LPP: variants seen among roughly 807,000 people sequenced by gnomAD.
The protein encoded by LPP is LIM domain containing preferred translocation partner in lipoma.
LPP carries 38 observed loss-of-function variants against 60.4 expected under a neutral mutation model. The ratio of observed to expected loss-of-function variants is 0.63; its 90% CI spans 0.49 to 0.83. The LOEUF is 0.83. Among genes scored for constraint, LPP ranks in the 40% least tolerant of loss-of-function variants. LPP has a pLI of 0.00. For missense variants in LPP, 902 were observed against 783.6 expected, an observed-to-expected ratio of 1.15 and a Z score of -1.80; for synonymous variants, 328 against 290.8, an observed-to-expected ratio of 1.13 and a Z score of -1.30.
chr3:188,463,498 G>A (rs6785902), intron 4 of LPP, among the ~76,000 whole-genome samples: 1,806 of 152,148 alleles, frequency 0.012, 39 homozygotes, highest in African/African-American at 0.042. Flanking sequence ...TTATATCTGC[G>A]TGCACGGTTT....
chr3:188,401,519 G>A (rs1326046569), intron 3 of LPP, among the ~76,000 whole-genome samples: 1 of 152,110 alleles, frequency 6.6e-6, no homozygotes, highest in African/African-American at 2.4e-5. Context: ...TTTTTCATGT[G>A]CTTTCTGTGT....
At chr3:188,399,244 C>A (rs7635012) in intron 3 of LPP, among the ~76,000 whole-genome samples, 33,631 of 151,846 alleles carry the variant, frequency 0.22, 6,136 homozygotes, top group African/African-American at 0.51. Context: ...GAGATGTGAA[C>A]AATAATGGAG....
intron 5 of LPP, among the ~76,000 whole-genome samples, chr3:188,497,758 T>C (rs1412576505): frequency 2.0e-5 from 3 of 152,240 alleles, no homozygotes; most frequent in Non-Finnish European, 4.4e-5. Flanking sequence ...TATCATTTTA[T>C]ATCAAGCCAT....
At chr3:188,406,627 T>C (rs1417770165) in intron 4 of LPP, among the ~76,000 whole-genome samples, 2 of 152,208 alleles carry the variant, frequency 1.3e-5, no homozygotes, top group African/African-American at 4.8e-5. Context: ...GCTCATTCTC[T>C]TGTAGGGTTT....
chr3:188,490,336 A>G (rs1290820626), intron 5 of LPP, among the ~76,000 whole-genome samples: 1 of 152,214 alleles, frequency 6.6e-6, no homozygotes, highest in Admixed American at 6.5e-5. Context: ...GCTCTTGAGC[A>G]TCTATTCTTG....
chr3:188,570,358 A>G (rs1006201888), intron 6 of LPP, among the ~76,000 whole-genome samples: 10 of 152,054 alleles, frequency 6.6e-5, no homozygotes, highest in Non-Finnish European at 1.2e-4. Context: ...AAGTCATTGA[A>G]TTGTTTTTAA....
Position 188,608,993 on chromosome 3 carries a change from G to A in LPP, c.430-168G>A, listed in dbSNP as rs116485944. On this transcript the variant is annotated intron_variant, in intron 6 of 11. Coordinates refer to ENST00000617246, the MANE Select transcript of LPP (RefSeq NM_001375462.1). ...GTGCACAGATATACAACTGATTTTT[G>A]TGTTCATCTGTGAACACTTTGAAGG... is the stretch of plus-strand genomic sequence containing the variant. Among the ~76,000 whole-genome samples the A allele has an allele frequency of 3.2e-3, 485 of 151,738 alleles. 1 individual carries two copies. Among genetic ancestry groups the A allele is most frequent in the African/African-American group, 0.011 (434 of 41,326 alleles).
At chr3:188,663,884 A>G (rs1015701156) in intron 7 of LPP, among the ~76,000 whole-genome samples, 6 of 152,150 alleles carry the variant, frequency 3.9e-5, no homozygotes, top group East Asian at 1.9e-4. Context: ...TCGCACCCCT[A>G]TGAGAATCTA....
rs546919110 is a variant in LPP at position 188,713,982 on chromosome 3, G to A, written c.1240+5589G>A. Among the ~76,000 whole-genome samples, 34 of 152,252 alleles carry A rather than the reference G, an allele frequency of 2.2e-4. No individual in the cohort carries two copies. In the South Asian group the frequency reaches 6.8e-3, roughly 31 times the overall value. ...GACAATTGTGGTAGTGATGACAAAAGCTGATATTTACCTAGAGCTCCATAT... is the reference window on the plus strand; with the variant it reads ...GACAATTGTGGTAGTGATGACAAAAACTGATATTTACCTAGAGCTCCATAT... On this transcript the variant is annotated intron_variant, in intron 8 of 11. Coordinates refer to ENST00000617246, the MANE Select transcript of LPP (RefSeq NM_001375462.1).
chr3:188,802,468 G>A (rs4126016), intron 9 of LPP, among the ~76,000 whole-genome samples: 104,394 of 151,480 alleles, frequency 0.69, 36,272 homozygotes, highest in East Asian at 0.86. Flanking sequence ...ATGACATCCA[G>A]TGAATGTCTT....
intron 5 of LPP, among the ~76,000 whole-genome samples, chr3:188,511,879 C>A (rs1040320853): frequency 6.6e-6 from 1 of 152,140 alleles, no homozygotes. Flanking sequence ...AGGCTGTGTG[C>A]AGTGGACTGG....
At chr3:188,512,948 C>A (rs1226728691) in intron 5 of LPP, among the ~76,000 whole-genome samples, 5 of 152,192 alleles carry the variant, frequency 3.3e-5, no homozygotes, top group Non-Finnish European at 5.9e-5. Flanking sequence ...CTGACAAGTT[C>A]TGTTTGATTC....
At chr3:188,790,638 T>C (rs1233028536) in intron 9 of LPP, among the ~76,000 whole-genome samples, 6 of 151,948 alleles carry the variant, frequency 3.9e-5, no homozygotes, top group African/African-American at 1.5e-4. Flanking sequence ...CTGGCCAACA[T>C]GGTGAAACCC....
chr3:188,286,292 T>G (rs534893793), intron 2 of LPP, among the ~76,000 whole-genome samples: 1 of 152,298 alleles, frequency 6.6e-6, no homozygotes, highest in South Asian at 2.1e-4. Context: ...TCCTCTCTCC[T>G]TGTGTTGAGC....
chr3:188,396,823 G>T (rs921511056), intron 3 of LPP, among the ~76,000 whole-genome samples: 9 of 152,048 alleles, frequency 5.9e-5, no homozygotes, highest in African/African-American at 2.2e-4. Context: ...TAAGGAGCCC[G>T]TTTTTTTGCC....
chr3:188,582,812 G>A (rs1046165275), intron 6 of LPP, among the ~76,000 whole-genome samples: 9 of 152,138 alleles, frequency 5.9e-5, no homozygotes, highest in Admixed American at 5.2e-4. Flanking sequence ...TAAGCCAGAA[G>A]TTTAGGTATT....
intron 6 of LPP, among the ~76,000 whole-genome samples, chr3:188,606,665 A>C (rs1042853866): frequency 1.3e-5 from 2 of 152,116 alleles, no homozygotes; most frequent in African/African-American, 4.8e-5. Context: ...ATGTATGTTC[A>C]AGACATTCCT....
chr3:188,839,768 C>T (rs1343069771), intron 9 of LPP, among the ~76,000 whole-genome samples: 3 of 152,008 alleles, frequency 2.0e-5, no homozygotes, highest in Non-Finnish European at 2.9e-5. Flanking sequence ...ATCTCAGCTA[C>T]TCAGGAGGCT....
chr3:188,704,086 G>T (rs2149633835), intron 7 of LPP, among the ~76,000 whole-genome samples: 1 of 152,194 alleles, frequency 6.6e-6, no homozygotes, highest in South Asian at 2.1e-4. Flanking sequence ...TACTTTTCTA[G>T]CACTCTCTGT....
Sources: gnomAD v4.1 joint callset for allele counts (sites outside exome capture counted in the v4.1 genomes callset) on GRCh38, gnomAD v4.1.1 for gene constraint, MANE v1.5 for transcripts, NCBI Gene and HGNC (gene_info 2026-07-23, HGNC 2026-07-21) for gene names.